The following SQSTM1 variants were observed in gnomAD, a reference collection of about 807,000 sequenced individuals.
The protein encoded by SQSTM1 is sequestosome-1.
A neutral mutation model predicts 45.1 loss-of-function variants in SQSTM1; 36 were observed. The observed-to-expected ratio is 0.80, with a 90% CI of 0.61 to 1.05. SQSTM1 has a LOEUF of 1.05. Among genes scored for constraint, SQSTM1 ranks in the 50% least tolerant of loss-of-function variants. SQSTM1 has a pLI of 0.00. For missense variants in SQSTM1, 617 were observed against 607.1 expected (o/e 1.02, Z -0.17); for synonymous variants, 290 against 244.3 (o/e 1.19, Z -1.74).
chr5:179,822,534 G>A (rs1201416758), intron 1 of SQSTM1: 5 of 297,772 alleles, frequency 1.7e-5, no homozygotes, highest in Non-Finnish European at 2.7e-5. Context: ...TTACTCCCAA[G>A]CCACTAGAAG....
chr5:179,807,203 T>C (rs926737066), intron 1 of SQSTM1: 2 of 152,344 alleles, frequency 1.3e-5, no homozygotes, highest in Non-Finnish European at 2.9e-5. Flanking sequence ...GGGACCCCGG[T>C]ACCCTTCTCA....
At chr5:179,834,085 G>A (rs1420423320) in intron 7 of SQSTM1, among the ~76,000 whole-genome samples, 2 of 150,434 alleles carry the variant, frequency 1.3e-5, no homozygotes, top group Non-Finnish European at 3.0e-5. Flanking sequence ...GTGTGACACA[G>A]AGAGGGGGCA....
chr5:179,837,097 C>A lies in SQSTM1; in HGVS notation c.*504C>A. The A allele has an allele frequency of 1.1e-6, 1 of 931,192 alleles. No individual in the cohort carries two copies. Among genetic ancestry groups the A allele is most frequent in the South Asian group, 1.4e-5 (1 of 70,830 alleles). 57.7% of individuals were successfully genotyped at this position (931,192 alleles called of 1,614,324 possible). ...GACTGAGAAGGCTCACGAAGGGCAT[C>A]CGCAATGTTGGTTTCACTGAGAGCT... On this transcript the variant is annotated 3_prime_UTR_variant, in exon 8 of 8. Transcript: ENST00000389805.
chr5:179,824,756 C>T (rs142176762), intron 4 of SQSTM1, among the ~76,000 whole-genome samples: 3 of 152,310 alleles, frequency 2.0e-5, no homozygotes, highest in African/African-American at 7.2e-5. Flanking sequence ...TTTTTGGATT[C>T]TGATTTTATT....
At chr5:179,823,445 C>CAAAAAAAA (rs59899831) in intron 2 of SQSTM1, 24 of 55,922 alleles carry the variant, frequency 4.3e-4, no homozygotes, top group East Asian at 1.1e-3. Flanking sequence ...GCCTAGGCGA[C>CAAAAAAAA]AAAAAAAAAA....
rs1325278483 is a variant in SQSTM1 at position 179,825,200 on chromosome 5, G to A, written c.728G>A (p.Ser243Asn). The A allele has an allele frequency of 3.1e-6, 5 of 1,613,934 alleles. No individual in the cohort carries two copies. Among genetic ancestry groups the A allele is most frequent in the Admixed American group, 1.7e-5 (1 of 60,006 alleles). Residue 243 changes from serine to asparagine, a missense_variant, in exon 5 of 8, where the codon AGT (serine) becomes AAT (asparagine). Transcript: ENST00000389805. ...SVNFLKNVGE[S>N]VAAALSPLGI... is the part of the protein sequence containing the mutation. The stretch of plus-strand genomic sequence containing the variant: ...AATTTCCTGAAGAACGTTGGGGAGA[G>A]TGTGGCAGCTGCCCTTAGCCCTCTG...
intron 4 of SQSTM1, 87 bp downstream of exon 4, chr5:179,824,410 A>G (rs1757917961): frequency 3.1e-6 from 5 of 1,595,718 alleles, no homozygotes; most frequent in Non-Finnish European, 4.3e-6. Flanking sequence ...CGTGTGTGCA[A>G]GGCAAGAATT....
intron 5 of SQSTM1, among the ~76,000 whole-genome samples, chr5:179,830,401 A>G (rs1334996793): frequency 6.6e-6 from 1 of 152,090 alleles, no homozygotes; most frequent in East Asian, 1.9e-4. Context: ...TCGGCCTAGA[A>G]TTCTTTTGTT....
At chr5:179,833,850 T>C in intron 7 of SQSTM1, 68 bp downstream of exon 7, 1 of 1,534,940 alleles carries the variant, frequency 6.5e-7, no homozygotes, top group South Asian at 1.1e-5. Context: ...CCTCCTCTGA[T>C]TTCAGCGACA....
At chr5:179,812,086 GA>G (rs1395750161) in intron 2 of SQSTM1, 2 of 152,266 alleles carry the variant, frequency 1.3e-5, no homozygotes, top group East Asian at 1.9e-4. Context: ...TTACAGGCGT[GA>G]GCCACCGCGC....
At chr5:179,823,143 A>G (rs150870700) in intron 2 of SQSTM1, 90 bp downstream of exon 2, 5 of 1,218,646 alleles carry the variant, frequency 4.1e-6, no homozygotes, top group South Asian at 3.8e-5. Context: ...TGTTCCACCA[A>G]TGAAGGGGTC....
chr5:179,827,647 T>G (rs986860834), intron 5 of SQSTM1, among the ~76,000 whole-genome samples: 1 of 152,242 alleles, frequency 6.6e-6, no homozygotes, highest in African/African-American at 2.4e-5. Flanking sequence ...TTCTCCGAAC[T>G]AGGGAGGAGC....
intron 4 of SQSTM1, 134 bp downstream of exon 4, chr5:179,824,457 C>A: frequency 3.0e-6 from 4 of 1,321,902 alleles, no homozygotes; most frequent in Non-Finnish European, 4.3e-6. Context: ...CCTACAATCA[C>A]ACAAGAACCC....
At chr5:179,830,571 C>T (rs927531509) in intron 5 of SQSTM1, among the ~76,000 whole-genome samples, 1 of 150,704 alleles carries the variant, frequency 6.6e-6, no homozygotes, top group Non-Finnish European at 1.5e-5. Flanking sequence ...TTTTCTTTCC[C>T]CACCCCCGAG....
At position 179,806,467 on chromosome 5, in the gene SQSTM1, C is replaced by G; in HGVS notation, c.-281C>G. ...ACGCCCAGGTGCGCCAGGTGCGGGC[C>G]GGGCGGGGGTCGCGCTCACCTTTCT... On this transcript the variant is annotated 5_prime_UTR_variant, in exon 1 of 6. Coordinates refer to the SQSTM1 transcript ENST00000514093. The surrounding 1 kb of genome is among the most constrained non-coding windows in gnomAD (Gnocchi z 4.6). The G allele has an allele frequency of 2.4e-6, 3 of 1,254,976 alleles. No homozygotes were observed. The highest frequency in any genetic ancestry group is 3.1e-6 in the Non-Finnish European group (3 of 973,212). The allele number at this position is 1,254,976 out of a possible 1,614,324, so 77.7% of individuals were successfully genotyped here.
intron 6 of SQSTM1, 111 bp downstream of exon 6, chr5:179,833,357 G>A (rs917228678): frequency 1.7e-5 from 19 of 1,137,384 alleles, no homozygotes; most frequent in Non-Finnish European, 2.3e-5. Context: ...AAACCCGAGG[G>A]AGCTGCTGCT....
Position 179,837,810 on chromosome 5 carries a change from C to G in SQSTM1, c.*1217C>G. The G allele has an allele frequency of 6.2e-7, 1 of 1,613,834 alleles. No individual in the cohort carries two copies. Among genetic ancestry groups the G allele is most frequent in the Non-Finnish European group, 8.5e-7 (1 of 1,180,044 alleles). On this transcript the variant is annotated 3_prime_UTR_variant, in exon 8 of 8. Coordinates refer to ENST00000389805, the MANE Select transcript of SQSTM1 (RefSeq NM_003900.5). ...TTCCCAGGACCCCTCAGCTCCCCGG[C>G]ACTGCAGTCTGCAGAGTTCTCCTGG...
rs1054417861 is a variant in SQSTM1 at position 179,806,478 on chromosome 5, C to G, written c.-270C>G. 3.9e-6 allele frequency: 5 copies of G among 1,280,468 alleles called. No individual in the cohort carries two copies. The highest frequency in any genetic ancestry group is 5.1e-6 in the Non-Finnish European group (5 of 987,438). 79.3% of individuals were successfully genotyped at this position (1,280,468 alleles called of 1,614,324 possible). A position where few individuals can be genotyped will look rare whatever the true frequency, so the allele number is the denominator to read the frequency against. On this transcript the variant is annotated 5_prime_UTR_variant, in exon 1 of 6. Transcript: ENST00000514093. The surrounding 1 kb of genome is among the most constrained non-coding windows in gnomAD (Gnocchi z 4.6). ...CGCCAGGTGCGGGCCGGGCGGGGGTCGCGCTCACCTTTCTGGCCGCTGAGT... is the reference window on the plus strand; with the variant it reads ...CGCCAGGTGCGGGCCGGGCGGGGGTGGCGCTCACCTTTCTGGCCGCTGAGT...
chr5:179,817,888 A>G (rs1581998940), upstream of SQSTM1, among the ~76,000 whole-genome samples: 1 of 152,070 alleles, frequency 6.6e-6, no homozygotes, highest in East Asian at 1.9e-4. Flanking sequence ...AGGCACCTGT[A>G]GTCCCAGCTA....
Sources: gnomAD v4.1 joint callset for allele counts (sites outside exome capture counted in the v4.1 genomes callset) on GRCh38, gnomAD v4.1.1 for gene constraint, Gnocchi (gnomAD v3.1) non-coding constraint, MANE v1.5 for transcripts, NCBI Gene and HGNC (gene_info 2026-07-23, HGNC 2026-07-21) for gene names.